The following PLGRKT variants were observed in gnomAD, a reference collection of about 807,000 sequenced individuals.
PLGRKT encodes plasminogen receptor with a C-terminal lysine.
In PLGRKT, 22 loss-of-function variants were observed where a neutral mutation model predicts 18.5. The ratio of observed to expected loss-of-function variants is 1.19; its 90% CI spans 0.85 to 1.70. The LOEUF (loss-of-function observed/expected upper bound fraction) is 1.70. Among genes scored for constraint, PLGRKT ranks in the 40% most tolerant of loss-of-function variants. The pLI is 0.00. For missense variants in PLGRKT, 235 were observed against 174.4 expected, an observed-to-expected ratio of 1.35 and a Z score of -1.96; for synonymous variants, 72 against 52.8, an observed-to-expected ratio of 1.36 and a Z score of -1.58.
intron 3 of PLGRKT, among the ~76,000 whole-genome samples, chr9:5,387,581 C>A (rs900577218): frequency 6.6e-6 from 1 of 151,594 alleles, no homozygotes; most frequent in Non-Finnish European, 1.5e-5. Flanking sequence ...ATATAAGGAG[C>A]GTTAAAATAG....
chr9:5,419,702 A>T (rs200519092), intron 3 of PLGRKT, among the ~76,000 whole-genome samples: 2 of 132,272 alleles, frequency 1.5e-5, no homozygotes, highest in African/African-American at 3.1e-5. Flanking sequence ...ATTTGGGGGG[A>T]AAAAAAAAGA....
chr9:5,402,746 A>G (rs924504525), intron 3 of PLGRKT, among the ~76,000 whole-genome samples: 1 of 152,010 alleles, frequency 6.6e-6, no homozygotes, highest in Admixed American at 6.5e-5. Flanking sequence ...ATGACAGACT[A>G]TTTTTAGAGT....
chr9:5,367,030 T>TAC (rs56259718), intron 3 of PLGRKT, among the ~76,000 whole-genome samples: 16,354 of 111,996 alleles, frequency 0.15, 1,146 homozygotes, highest in Middle Eastern at 0.26. Flanking sequence ...TACACACACA[T>TAC]ACACACACAC....
At chr9:5,363,873 G>C (rs561647147) in intron 3 of PLGRKT, among the ~76,000 whole-genome samples, 24 of 152,306 alleles carry the variant, frequency 1.6e-4, no homozygotes, top group African/African-American at 5.5e-4. Flanking sequence ...GTCACCAAGA[G>C]AAACTGAGGT....
chr9:5,374,853 T>C (rs1225072352), intron 3 of PLGRKT, among the ~76,000 whole-genome samples: 1 of 152,226 alleles, frequency 6.6e-6, no homozygotes, highest in Non-Finnish European at 1.5e-5. Flanking sequence ...CTCATTATTT[T>C]AGAAAATACC....
intron 3 of PLGRKT, among the ~76,000 whole-genome samples, chr9:5,416,424 T>A (rs1339025738): frequency 2.0e-5 from 3 of 152,146 alleles, no homozygotes; most frequent in African/African-American, 4.8e-5. Flanking sequence ...GTACATATTA[T>A]CAAAATGTAT....
chr9:5,369,357 C>T (rs1817466450), intron 3 of PLGRKT, among the ~76,000 whole-genome samples: 2 of 152,186 alleles, frequency 1.3e-5, no homozygotes, highest in African/African-American at 4.8e-5. Context: ...CATCACTGGT[C>T]ATTAGAGAAA....
chr9:5,367,397 T>G (rs971056734), intron 3 of PLGRKT, among the ~76,000 whole-genome samples: 3 of 151,950 alleles, frequency 2.0e-5, no homozygotes, highest in Non-Finnish European at 2.9e-5. Context: ...CAGAAACGTA[T>G]GCCAATGGAA....
chr9:5,403,384 T>C (rs1356255968), intron 3 of PLGRKT, among the ~76,000 whole-genome samples: 1 of 152,010 alleles, frequency 6.6e-6, no homozygotes, highest in Non-Finnish European at 1.5e-5. Context: ...CCACCACTCC[T>C]GGCTAATTTT....
chr9:5,379,239 C>G (rs1244926955), intron 3 of PLGRKT, among the ~76,000 whole-genome samples: 2 of 152,066 alleles, frequency 1.3e-5, no homozygotes, highest in Non-Finnish European at 2.9e-5. Flanking sequence ...AAATACTAAT[C>G]AAAATCTGAT....
At chr9:5,433,404 CG>C (rs1818875860) in intron 2 of PLGRKT, among the ~76,000 whole-genome samples, 1 of 145,082 alleles carries the variant, frequency 6.9e-6, no homozygotes. Context: ...ATGTGAGGAG[CG>C]CCTCTGCCTG....
Position 5,404,118 on chromosome 9 carries a change from T to C in PLGRKT, c.81+27779A>G, listed in dbSNP as rs538806707. Among the ~76,000 whole-genome samples, 30 of 152,246 alleles carry C rather than the reference T, an allele frequency of 2.0e-4. No homozygotes were observed. The South Asian group carries it at 6.0e-3, about 31-fold the overall frequency. On this transcript the variant is annotated intron_variant, in intron 3 of 5. Transcript: ENST00000223864. ...CCTGAATAGACAATGAGTTCTGAAA[T>C]TGAGGCAGTAATGAACAGCCTACCA...
intron 3 of PLGRKT, among the ~76,000 whole-genome samples, chr9:5,371,545 C>G (rs1348296864): frequency 6.6e-6 from 1 of 152,196 alleles, no homozygotes; most frequent in Admixed American, 6.5e-5. Flanking sequence ...CTTTTGTCTC[C>G]TGCCAGGATT....
At chr9:5,382,184 C>T (rs1363404636) in intron 3 of PLGRKT, among the ~76,000 whole-genome samples, 1 of 152,228 alleles carries the variant, frequency 6.6e-6, no homozygotes, top group Non-Finnish European at 1.5e-5. Context: ...AGAGTTCAGG[C>T]AGTCTCCGGA....
At chr9:5,385,678 C>G (rs554822242) in intron 3 of PLGRKT, among the ~76,000 whole-genome samples, 1 of 151,676 alleles carries the variant, frequency 6.6e-6, no homozygotes, top group Non-Finnish European at 1.5e-5. Flanking sequence ...TAAGGAGGAA[C>G]CCCCAAGACA....
In PLGRKT at chr9:5,358,268, C is replaced by T; in HGVS notation, c.415G>A (p.Glu139Lys). Residue 139 changes from glutamate (E) to lysine (K), a missense_variant, in exon 6 of 6, where the codon GAA (glutamate) becomes AAA (lysine). Coordinates refer to ENST00000223864, the MANE Select transcript of PLGRKT (RefSeq NM_018465.4). Reference protein sequence around the residue: ...TFESIEKARKEQSRFFIDK With the variant: ...TFESIEKARKKQSRFFIDK The stretch of plus-strand genomic sequence containing the variant: ...TTGTCTATGAAGAATCTACTCTGTT[C>T]CTTTCTGGCTTTTTCAATGCTTTCA... 2 of 1,610,192 alleles carry T rather than the reference C, an allele frequency of 1.2e-6. No individual in the cohort carries two copies. The highest frequency in any genetic ancestry group is 1.7e-6 in the Non-Finnish European group (2 of 1,176,670).
At chr9:5,419,065 G>A in intron 3 of PLGRKT, 1 of 325,178 alleles carries the variant, frequency 3.1e-6, no homozygotes, top group East Asian at 7.3e-5. Context: ...TCCAGTGCAG[G>A]TCATGGGGAG....
chr9:5,421,526 C>T (rs73641607), intron 3 of PLGRKT, among the ~76,000 whole-genome samples: 2,316 of 152,306 alleles, frequency 0.015, 59 homozygotes, highest in African/African-American at 0.053. Flanking sequence ...TATTATGTCT[C>T]CCCATCTAAA....
At chr9:5,385,694 G>A (rs1487892889) in intron 3 of PLGRKT, among the ~76,000 whole-genome samples, 1 of 151,826 alleles carries the variant, frequency 6.6e-6, no homozygotes, top group Non-Finnish European at 1.5e-5. Context: ...AGACAGAGAG[G>A]ATGGTGGAAA....
Sources: gnomAD v4.1 joint callset for allele counts (sites outside exome capture counted in the v4.1 genomes callset) on GRCh38, gnomAD v4.1.1 for gene constraint, MANE v1.5 for transcripts, NCBI Gene and HGNC (gene_info 2026-07-23, HGNC 2026-07-21) for gene names.